Variants in ROBO2 observed in about 807,000 individuals in gnomAD.
ROBO2 encodes the protein roundabout guidance receptor 2.
A neutral mutation model predicts 160.8 loss-of-function variants in ROBO2; 53 were observed. That is an observed-to-expected ratio of 0.33 (90% CI 0.26 to 0.41). The LOEUF (loss-of-function observed/expected upper bound fraction) is 0.41. ROBO2 is among the 10% of genes least tolerant of loss of function. ROBO2 has a pLI of 1.00. For synonymous variants in ROBO2, 664 were observed against 611.7 expected, an observed-to-expected ratio of 1.09 and a Z score of -1.26; for missense variants, 1,577 against 1,722.4, an observed-to-expected ratio of 0.92 and a Z score of 1.49.
At chr3:77,625,443 T>C (rs908921731) in intron 23 of ROBO2, among the ~76,000 whole-genome samples, 5 of 152,048 alleles carry the variant, frequency 3.3e-5, no homozygotes, top group African/African-American at 9.7e-5. Context: ...AGTGGCACGA[T>C]CTCGGCTCAC....
At chr3:76,398,645 T>TTAGTATATTTTAAACTAAATATACTAG (rs2077623627) in intron 2 of ROBO2, among the ~76,000 whole-genome samples, 2 of 151,370 alleles carry the variant, frequency 1.3e-5, no homozygotes, top group Non-Finnish European at 2.9e-5. Context: ...ATTATAGTTT[T>TTAGTATATTTTAAACTAAATATACTAG]TAGTATATTT....
chr3:77,047,591 AG>A (rs1268176585), intron 1 of ROBO2, among the ~76,000 whole-genome samples: 2 of 151,888 alleles, frequency 1.3e-5, no homozygotes, highest in Non-Finnish European at 2.9e-5. Flanking sequence ...CAGGAGGCTG[AG>A]GCAGGAGAAT....
intron 2 of ROBO2, among the ~76,000 whole-genome samples, chr3:76,447,995 A>G (rs560354858): frequency 4.6e-5 from 7 of 151,990 alleles, no homozygotes; most frequent in Non-Finnish European, 1.0e-4. Context: ...ATACATATGT[A>G]ACAAACCTGC....
intron 2 of ROBO2, among the ~76,000 whole-genome samples, chr3:76,608,363 T>C (rs1305375186): frequency 6.6e-6 from 1 of 152,162 alleles, no homozygotes; most frequent in Non-Finnish European, 1.5e-5. Flanking sequence ...GACCTTCAGA[T>C]TGAACGTGGA....
chr3:76,921,451 A>C (rs377723045), intron 2 of ROBO2, among the ~76,000 whole-genome samples: 5 of 152,062 alleles, frequency 3.3e-5, no homozygotes, highest in African/African-American at 1.2e-4. Context: ...ATCTCCACTA[A>C]AAGTACAAAA....
At chr3:76,188,519 C>T (rs1701865622) in intron 2 of ROBO2, among the ~76,000 whole-genome samples, 1 of 152,026 alleles carries the variant, frequency 6.6e-6, no homozygotes, top group Non-Finnish European at 1.5e-5. Flanking sequence ...GGATATGATG[C>T]TGCTGACACC....
intron 2 of ROBO2, among the ~76,000 whole-genome samples, chr3:76,409,894 G>A (rs1487416470): frequency 6.6e-6 from 1 of 152,108 alleles, no homozygotes; most frequent in South Asian, 2.1e-4. Flanking sequence ...ATAGAGTACA[G>A]ATCTATTTCT....
At chr3:77,461,524 A>G (rs1023330711) in intron 2 of ROBO2, among the ~76,000 whole-genome samples, 4 of 152,072 alleles carry the variant, frequency 2.6e-5, no homozygotes, top group African/African-American at 9.7e-5. Flanking sequence ...ACATAGATAT[A>G]TTCTTCATCA....
intron 2 of ROBO2, among the ~76,000 whole-genome samples, chr3:76,756,935 T>C (rs1425177403): frequency 6.6e-6 from 1 of 151,872 alleles, no homozygotes; most frequent in East Asian, 1.9e-4. Flanking sequence ...GAAGGGATTA[T>C]TAGTGATAAA....
At chr3:77,136,359 A>AT (rs1285098993) in intron 2 of ROBO2, among the ~76,000 whole-genome samples, 1 of 150,596 alleles carries the variant, frequency 6.6e-6, no homozygotes, top group African/African-American at 2.4e-5. Context: ...CCAATGTACT[A>AT]TTTTTTATGG....
chr3:76,220,471 C>G (rs1575952872), intron 2 of ROBO2, among the ~76,000 whole-genome samples: 2 of 152,044 alleles, frequency 1.3e-5, no homozygotes, highest in Admixed American at 1.3e-4. Flanking sequence ...GTGGAGGAGA[C>G]CAGTGAGGCT....
intron 2 of ROBO2, among the ~76,000 whole-genome samples, chr3:76,972,422 T>A (rs765273381): frequency 8.5e-5 from 13 of 152,186 alleles, no homozygotes; most frequent in Non-Finnish European, 1.8e-4. Flanking sequence ...TCCTAAGTTT[T>A]TTTGAATGCA....
chr3:77,582,249 A>C (rs528455369), intron 16 of ROBO2, among the ~76,000 whole-genome samples: 113 of 152,206 alleles, frequency 7.4e-4, no homozygotes, highest in African/African-American at 2.6e-3. Flanking sequence ...CTACAGGCAC[A>C]TGCCACCACA....
At chr3:76,566,313 G>A (rs2084517151) in intron 2 of ROBO2, among the ~76,000 whole-genome samples, 1 of 152,144 alleles carries the variant, frequency 6.6e-6, no homozygotes, top group Admixed American at 6.5e-5. Context: ...AATCATCTGG[G>A]CTGTGAAGAG....
intron 2 of ROBO2, among the ~76,000 whole-genome samples, chr3:76,277,194 A>G (rs1707975881): frequency 6.6e-6 from 1 of 151,996 alleles, no homozygotes; most frequent in Non-Finnish European, 1.5e-5. Context: ...ATAAGCACGT[A>G]ATAGTAAAAT....
At chr3:76,550,541 C>T (rs925909296) in intron 2 of ROBO2, among the ~76,000 whole-genome samples, 1 of 152,226 alleles carries the variant, frequency 6.6e-6, no homozygotes. Flanking sequence ...GGAGCAGGAG[C>T]CCTGCCCCCT....
At chr3:76,337,334 A>G (rs1273108284) in intron 2 of ROBO2, among the ~76,000 whole-genome samples, 1 of 152,198 alleles carries the variant, frequency 6.6e-6, no homozygotes, top group East Asian at 1.9e-4. Context: ...CGTAAACACT[A>G]TTGGTATTAT....
chr3:77,030,941 A>G (rs1043446287), intron 2 of ROBO2, among the ~76,000 whole-genome samples: 12 of 152,214 alleles, frequency 7.9e-5, no homozygotes, highest in African/African-American at 2.7e-4. Context: ...ATTTTGCTTT[A>G]GCCGGCAATA....
intron 2 of ROBO2, among the ~76,000 whole-genome samples, chr3:77,142,489 T>C (rs2076784420): frequency 6.6e-6 from 1 of 152,202 alleles, no homozygotes; most frequent in African/African-American, 2.4e-5. Context: ...TAACCTAATC[T>C]TAAGGACATG....
Sources: gnomAD v4.1 joint callset for allele counts (sites outside exome capture counted in the v4.1 genomes callset) on GRCh38, gnomAD v4.1.1 for gene constraint, MANE v1.5 for transcripts, NCBI Gene and HGNC (gene_info 2026-07-23, HGNC 2026-07-21) for gene names.